The following CR1 variants were observed in gnomAD, a reference collection of about 807,000 sequenced individuals.
CR1 encodes complement receptor type 1.
A neutral mutation model predicts 187.3 loss-of-function variants in CR1; 116 were observed. That is an observed-to-expected ratio of 0.62 (90% CI 0.53 to 0.72). The LOEUF (loss-of-function observed/expected upper bound fraction) is 0.72. Among genes scored for constraint, CR1 ranks in the 30% least tolerant of loss-of-function variants. The probability of loss-of-function intolerance (pLI) is 0.00; values close to 1 mark genes in which losing one functional copy is unlikely to be tolerated. For synonymous variants in CR1, 576 were observed against 747.1 expected (o/e 0.77, Z 3.73); for missense variants, 1,731 against 2,110.7 (o/e 0.82, Z 3.52).
intron 35 of CR1, among the ~76,000 whole-genome samples, chr1:207,601,326 AT>A (rs1416198402): frequency 6.6e-6 from 1 of 152,154 alleles, no homozygotes; most frequent in African/African-American, 2.4e-5. Context: ...GAAATGTACC[AT>A]GTCAGAAGAA....
At position 207,630,545 on chromosome 1, in the gene CR1, G is replaced by C; in HGVS notation, c.7381G>C (p.Val2461Leu). 1 of 1,609,596 alleles carries C rather than the reference G, an allele frequency of 6.2e-7. No homozygotes were observed. The highest frequency in any genetic ancestry group is 8.5e-7 in the Non-Finnish European group (1 of 1,178,334). ...TAATGCACATGAAAACCCTAAAGAA[G>C]TGGCTATCCATTTACATTCTCAAGG... Reference protein sequence around the residue: ...GNNAHENPKEVAIHLHSQGGS... With the variant: ...GNNAHENPKELAIHLHSQGGS... The change falls in exon 46 of 47, where the codon GTG becomes CTG. Residue 2461 changes from valine to leucine, a missense_variant. Val to Leu is a conservative substitution (Grantham distance 32, BLOSUM62 1). Around this residue, in one of 5 missense-constraint regions of CR1, gnomAD observed 1,312 missense variants for 1,379.6 expected, o/e 0.95. Transcript: ENST00000367049.
At chr1:207,568,130 T>G in intron 25 of CR1, 88 bp downstream of exon 25, 2 of 1,607,500 alleles carry the variant, frequency 1.2e-6, no homozygotes, top group Non-Finnish European at 1.7e-6. Flanking sequence ...GTAGTATTTA[T>G]TTGTATGTAT....
intron 4 of CR1, among the ~76,000 whole-genome samples, chr1:207,523,107 A>G (rs1220445974): frequency 1.3e-5 from 2 of 152,314 alleles, no homozygotes; most frequent in East Asian, 3.9e-4. Context: ...TTTTCAAAAT[A>G]TTTAACCCCC....
At chr1:207,632,547 GGGCGGCCGA>G (rs2102416460) in intron 46 of CR1, among the ~76,000 whole-genome samples, 1 of 152,268 alleles carries the variant, frequency 6.6e-6, no homozygotes, top group South Asian at 2.1e-4. Context: ...CCAGCACTTT[GGGCGGCCGA>G]GGCGAGTGGA....
Position 207,581,984 on chromosome 1 carries a change from C to T in CR1, c.5283C>T (p.Asn1761=), listed in dbSNP as rs751728475. ...TTGGAATGAGAAGCCTTTGGAATAA[C>T]AGTGTTCCTGTGTGTGAACGTGAGT... The part of the protein sequence containing the change: ...VLVGMRSLWN[N]SVPVCEHIFC... Residue 1761 remains asparagine, a synonymous_variant, in exon 32 of 47, where the codon AAC becomes AAT. Coordinates refer to ENST00000367049, the MANE Select transcript of CR1 (RefSeq NM_000651.6). The T allele has an allele frequency of 1.2e-6, 2 of 1,612,510 alleles. No individual in the cohort carries two copies. Among genetic ancestry groups the T allele is most frequent in the Admixed American group, 3.3e-5 (2 of 59,970 alleles).
chr1:207,637,140 T>C (rs1160654320), intron 46 of CR1, among the ~76,000 whole-genome samples: 2 of 152,226 alleles, frequency 1.3e-5, no homozygotes, highest in African/African-American at 2.4e-5. Context: ...ACAGGACTTA[T>C]TATTTTTGGT....
At chr1:207,589,684 G>A (rs1661213521) in intron 35 of CR1, among the ~76,000 whole-genome samples, 1 of 152,168 alleles carries the variant, frequency 6.6e-6, no homozygotes, top group African/African-American at 2.4e-5. Flanking sequence ...AAAGGAGCAT[G>A]TTCTAACCCA....
intron 46 of CR1, 96 bp from the exon 47 acceptor site, chr1:207,639,301 G>A: frequency 2.0e-5 from 24 of 1,182,076 alleles, no homozygotes; most frequent in Non-Finnish European, 2.7e-5. Flanking sequence ...GTGGAATAAA[G>A]TTTAGAAAAT....
chr1:207,577,768 A>T lies in CR1; in HGVS notation c.4538-37A>T, dbSNP rs543480893. The T allele has an allele frequency of 5.9e-5, 95 of 1,611,672 alleles. 2 individuals carry two copies. In the South Asian group the frequency reaches 7.5e-4, roughly 13 times the overall value. ...TGGGTGACAGCAAGACTCTGTCCCA[A>T]GGTTTTGTTTTGGTTAACTTGCTGT... On this transcript the variant is annotated intron_variant, in intron 28 of 46. Coordinates refer to ENST00000367049, the MANE Select transcript of CR1 (RefSeq NM_000651.6).
Position 207,621,251 on chromosome 1 carries a change from G to A in CR1, c.7253-722G>A, listed in dbSNP as rs916819624. 8.5e-5 allele frequency among the ~76,000 whole-genome samples: 13 copies of A among 152,068 alleles called. No homozygotes were observed. In the South Asian group the frequency reaches 1.0e-3, roughly 12 times the overall value. ...GATCGCTCCATTGCACTCTGGTCTCGGTGACAAGAGCAAAACATTTTTTAA... is the reference window on the plus strand; with the variant it reads ...GATCGCTCCATTGCACTCTGGTCTCAGTGACAAGAGCAAAACATTTTTTAA... On this transcript the variant is annotated intron_variant, in intron 43 of 46. Transcript: ENST00000367049.
At chr1:207,629,243 G>A (rs1239924395) in intron 45 of CR1, among the ~76,000 whole-genome samples, 1 of 152,056 alleles carries the variant, frequency 6.6e-6, no homozygotes, top group Non-Finnish European at 1.5e-5. Flanking sequence ...TTGTTGTGAT[G>A]TTTAGAATGA....
chr1:207,594,395 T>G (rs1462610783), intron 35 of CR1, among the ~76,000 whole-genome samples: 1 of 151,518 alleles, frequency 6.6e-6, no homozygotes, highest in African/African-American at 2.4e-5. Flanking sequence ...TAAGTGGGAG[T>G]TGAACAATGA....
At chr1:207,591,135 AT>A (rs1168419997) in intron 35 of CR1, among the ~76,000 whole-genome samples, 1 of 152,180 alleles carries the variant, frequency 6.6e-6, no homozygotes, top group African/African-American at 2.4e-5. Context: ...TCCACCCCAA[AT>A]CAGCAGAATA....
chr1:207,525,691 TC>T (rs1182520014), intron 5 of CR1, among the ~76,000 whole-genome samples: 1 of 152,032 alleles, frequency 6.6e-6, no homozygotes, highest in Admixed American at 6.5e-5. Flanking sequence ...TTTTAAGGCT[TC>T]CTTTGCTAGC....
intron 45 of CR1, among the ~76,000 whole-genome samples, chr1:207,623,587 AACACACACACACAC>A (rs55918544): frequency 0.047 from 6,801 of 144,168 alleles, 419 homozygotes; most frequent in African/African-American, 0.14. Context: ...TACATCTCAA[AACACACACACACAC>A]ACACACACAC....
chr1:207,581,875 A>G (rs1323151830), intron 31 of CR1, 43 bp from the exon 32 acceptor site: 1 of 1,341,784 alleles, frequency 7.5e-7, no homozygotes, highest in Non-Finnish European at 1.1e-6. Flanking sequence ...AAGGGAAGAG[A>G]GAAATGGTGC....
chr1:207,511,184 A>G (rs1329658980), intron 3 of CR1, among the ~76,000 whole-genome samples: 1 of 152,132 alleles, frequency 6.6e-6, no homozygotes, highest in East Asian at 1.9e-4. Context: ...ATGCATCCAT[A>G]CTTTTAAGGC....
At chr1:207,585,116 A>G (rs1366420543) in intron 33 of CR1, among the ~76,000 whole-genome samples, 1 of 152,000 alleles carries the variant, frequency 6.6e-6, no homozygotes, top group East Asian at 1.9e-4. Flanking sequence ...AAAGGGACTG[A>G]GGGAGGGGTG....
intron 1 of CR1, 74 bp from the exon 2 acceptor site, chr1:207,505,830 C>G (rs1006990979): frequency 1.0e-5 from 15 of 1,507,410 alleles, no homozygotes; most frequent in Non-Finnish European, 1.3e-5. Flanking sequence ...AGCCAGTCTC[C>G]GTCTCAAAAA....
Sources: gnomAD v4.1 joint callset for allele counts (sites outside exome capture counted in the v4.1 genomes callset) on GRCh38, gnomAD v4.1.1 for gene constraint, gnomAD v4.1.1 regional missense constraint, MANE v1.5 for transcripts, NCBI Gene and HGNC (gene_info 2026-07-23, HGNC 2026-07-21) for gene names.